Variants in ALK observed in about 807,000 individuals in gnomAD.
The protein encoded by ALK is ALK tyrosine kinase receptor.
ALK carries 74 observed loss-of-function variants against 163.1 expected under a neutral mutation model. The observed-to-expected ratio is 0.45, with a 90% CI of 0.38 to 0.55. The LOEUF (loss-of-function observed/expected upper bound fraction) is 0.55, where lower values mean the gene tolerates loss of function less well. Among genes scored for constraint, ALK ranks in the 20% least tolerant of loss-of-function variants. The probability of loss-of-function intolerance (pLI) is 0.00; values close to 1 mark genes in which losing one functional copy is unlikely to be tolerated. For synonymous variants in ALK, 960 were observed against 843.2 expected, an observed-to-expected ratio of 1.14 and a Z score of -2.40; for missense variants, 2,063 against 2,105.3, an observed-to-expected ratio of 0.98 and a Z score of 0.39.
At chr2:29,302,953 A>C (rs892532997) in intron 8 of ALK, among the ~76,000 whole-genome samples, 1 of 152,212 alleles carries the variant, frequency 6.6e-6, no homozygotes, top group Non-Finnish European at 1.5e-5. Context: ...TCTTTTGGAC[A>C]TTGGCCTAGG....
At chr2:29,493,933 T>G (rs1558349472) in intron 4 of ALK, among the ~76,000 whole-genome samples, 1 of 152,352 alleles carries the variant, frequency 6.6e-6, no homozygotes, top group Non-Finnish European at 1.5e-5. Flanking sequence ...CACCCTTCCA[T>G]GTCTAATTCT....
At chr2:29,869,180 G>A (rs1198699784) in intron 1 of ALK, among the ~76,000 whole-genome samples, 1 of 152,100 alleles carries the variant, frequency 6.6e-6, no homozygotes, top group African/African-American at 2.4e-5. Context: ...TAATAAAATG[G>A]CTGATTTATA....
intron 3 of ALK, among the ~76,000 whole-genome samples, chr2:29,603,338 C>T (rs940309989): frequency 6.6e-6 from 1 of 152,158 alleles, no homozygotes; most frequent in African/African-American, 2.4e-5. Context: ...TCTGCAGGTC[C>T]ATTTCAAAAT....
intron 28 of ALK, 23 bp from the exon 29 acceptor site, chr2:29,193,945 A>T (rs2148139253): frequency 2.5e-6 from 4 of 1,611,484 alleles, no homozygotes; most frequent in South Asian, 1.1e-5. Context: ...AAATTATTAA[A>T]ACTTTGAATC....
At chr2:29,646,373 T>G (rs1301140155) in intron 3 of ALK, among the ~76,000 whole-genome samples, 1 of 152,172 alleles carries the variant, frequency 6.6e-6, no homozygotes, top group Non-Finnish European at 1.5e-5. Flanking sequence ...TTGAAAATAT[T>G]TCTACACATC....
At position 29,339,242 on chromosome 2, in the gene ALK, C is replaced by CAAA. The variant is rs35376835; in HGVS notation, c.1283-10764_1283-10762dup. 1.9e-3 allele frequency among the ~76,000 whole-genome samples: 259 copies of CAAA among 135,164 alleles called. 2 individuals are homozygous for CAAA. The highest frequency in any genetic ancestry group is 4.2e-3 in the African/African-American group (152 of 36,036). The allele number at this position is 135,164 out of a possible 152,430, so 88.7% of individuals were successfully genotyped here. A position where few individuals can be genotyped will look rare whatever the true frequency, so the allele number is the denominator to read the frequency against. The stretch of plus-strand genomic sequence containing the variant: ...TGGGTGACAGGGCGAGACTCTATCT[C>CAAA]AAAAAAAAAAAAAAGTGATGTGTCT... On this transcript the variant is annotated intron_variant, in intron 5 of 28. Transcript: ENST00000389048.
intron 1 of ALK, among the ~76,000 whole-genome samples, chr2:29,875,635 A>C (rs533137718): frequency 5.3e-5 from 8 of 151,888 alleles, no homozygotes; most frequent in Non-Finnish European, 1.0e-4. Flanking sequence ...CACTGTGTCC[A>C]TGTGTTCTCG....
At chr2:29,916,053 T>C (rs968854415) in intron 1 of ALK, among the ~76,000 whole-genome samples, 22 of 152,254 alleles carry the variant, frequency 1.4e-4, no homozygotes, top group Admixed American at 9.2e-4. Flanking sequence ...TTCTGATTCC[T>C]TCTGCCATTC....
chr2:29,756,773 C>T (rs927532544), intron 1 of ALK, among the ~76,000 whole-genome samples: 2 of 152,132 alleles, frequency 1.3e-5, no homozygotes, highest in African/African-American at 4.8e-5. Context: ...GTGATCCACC[C>T]GCCTCAGCCT....
chr2:29,315,073 C>T (rs1472243209), intron 8 of ALK, among the ~76,000 whole-genome samples: 1 of 152,128 alleles, frequency 6.6e-6, no homozygotes, highest in African/African-American at 2.4e-5. Flanking sequence ...TAAGTGGCTC[C>T]CCAGTTTCCT....
At chr2:29,511,346 A>G (rs944974412) in intron 4 of ALK, among the ~76,000 whole-genome samples, 53 of 152,190 alleles carry the variant, frequency 3.5e-4, no homozygotes, top group Admixed American at 2.2e-3. Flanking sequence ...AGAGATTAGT[A>G]GATTAGTTTG....
At chr2:29,641,767 A>T (rs1235249316) in intron 3 of ALK, among the ~76,000 whole-genome samples, 7 of 152,218 alleles carry the variant, frequency 4.6e-5, no homozygotes, top group Non-Finnish European at 1.0e-4. Flanking sequence ...CTGTGGCTTT[A>T]AAGGGGAACC....
At chr2:29,701,499 A>G (rs1266924981) in intron 2 of ALK, among the ~76,000 whole-genome samples, 1 of 152,284 alleles carries the variant, frequency 6.6e-6, no homozygotes, top group East Asian at 1.9e-4. Flanking sequence ...GAATGAAAGG[A>G]AGAGTCATAA....
chr2:29,893,453 G>A (rs1289932883), intron 1 of ALK, among the ~76,000 whole-genome samples: 2 of 152,124 alleles, frequency 1.3e-5, no homozygotes, highest in African/African-American at 4.8e-5. Context: ...GGAAGGGCCA[G>A]GGAAACTATA....
intron 5 of ALK, among the ~76,000 whole-genome samples, chr2:29,357,655 T>C (rs1668284799): frequency 6.6e-6 from 1 of 152,192 alleles, no homozygotes; most frequent in African/African-American, 2.4e-5. Context: ...GTCTGTCCAT[T>C]GGAATATTCC....
chr2:29,599,418 A>G (rs1675314381), intron 3 of ALK, among the ~76,000 whole-genome samples: 1 of 152,258 alleles, frequency 6.6e-6, no homozygotes, highest in African/African-American at 2.4e-5. Context: ...AAAATTCCTT[A>G]ATAGAGGACG....
At chr2:29,913,240 C>A (rs1041809976) in intron 1 of ALK, among the ~76,000 whole-genome samples, 11 of 152,210 alleles carry the variant, frequency 7.2e-5, no homozygotes, top group African/African-American at 2.7e-4. Flanking sequence ...CAAAGCGAAT[C>A]TGATAGAATT....
At chr2:29,808,644 G>A (rs1470381730) in intron 1 of ALK, among the ~76,000 whole-genome samples, 1 of 152,124 alleles carries the variant, frequency 6.6e-6, no homozygotes, top group Non-Finnish European at 1.5e-5. Context: ...TGCTCTGAAT[G>A]CTCCCCCATA....
intron 1 of ALK, among the ~76,000 whole-genome samples, chr2:29,864,756 C>G (rs1181194223): frequency 1.3e-5 from 2 of 152,160 alleles, no homozygotes; most frequent in African/African-American, 4.8e-5. Flanking sequence ...TCCACACATG[C>G]CCAAAAGAAC....
Sources: allele counts gnomAD v4.1 joint callset (sites outside exome capture counted in the v4.1 genomes callset), GRCh38; gene constraint gnomAD v4.1.1; transcripts MANE v1.5; gene names NCBI Gene and HGNC (gene_info 2026-07-23, HGNC 2026-07-21).